The following WDHD1 variants were observed in gnomAD, a reference collection of about 807,000 sequenced individuals.
The protein encoded by WDHD1 is WD repeat and HMG-box DNA binding protein 1, also known as WD repeat and HMG-box DNA-binding protein 1.
WDHD1 carries 111 observed loss-of-function variants against 135.4 expected under a neutral mutation model. The observed-to-expected ratio is 0.82, with a 90% CI of 0.70 to 0.96. WDHD1 has a LOEUF of 0.96. Among genes scored for constraint, WDHD1 ranks in the 40% least tolerant of loss-of-function variants. The probability of loss-of-function intolerance (pLI) is 0.00; values close to 1 mark genes in which losing one functional copy is unlikely to be tolerated. For missense variants in WDHD1, 1,351 were observed against 1,336.3 expected (o/e 1.01, Z -0.17); for synonymous variants, 434 against 439.0 (o/e 0.99, Z 0.14).
intron 21 of WDHD1, among the ~76,000 whole-genome samples, chr14:54,960,450 G>T (rs1056298283): frequency 6.6e-6 from 1 of 151,948 alleles, no homozygotes; most frequent in African/African-American, 2.4e-5. Context: ...TTACAGGTGT[G>T]AGCCACCACG....
At chr14:54,977,086 T>G (rs868637292) in intron 16 of WDHD1, among the ~76,000 whole-genome samples, 25 of 151,674 alleles carry the variant, frequency 1.6e-4, no homozygotes, top group Non-Finnish European at 3.4e-4. Context: ...AAAATAAGGT[T>G]GTTTTTTTTT....
chr14:55,011,290 G>A (rs1417685479), intron 3 of WDHD1, among the ~76,000 whole-genome samples: 1 of 152,094 alleles, frequency 6.6e-6, no homozygotes, highest in African/African-American at 2.4e-5. Flanking sequence ...AGCACTTTGG[G>A]AGGCCAAGGC....
chr14:54,942,265 A>AATAC lies in WDHD1; in HGVS notation c.3190-576_3190-575insGTAT, dbSNP rs199578669. 8.5e-3 allele frequency among the ~76,000 whole-genome samples: 1,292 copies of AATAC among 151,874 alleles called. 18 individuals carry two copies. Among genetic ancestry groups the AATAC allele is most frequent in the African/African-American group, 0.03 (1,239 of 41,400 alleles). On this transcript the variant is annotated intron_variant, in intron 25 of 25. Transcript: ENST00000360586. ...CTCCGTCTCAAAAAATAAATAAATA[A>AATAC]ATAAATAAATAAATAATAAAAATGA...
In WDHD1 at chr14:54,957,098, C is replaced by T. The variant is rs1282909207; in HGVS notation, c.2852G>A (p.Arg951Gln). The T allele has an allele frequency of 1.2e-6, 2 of 1,614,048 alleles. No homozygotes were observed. The highest frequency in any genetic ancestry group is 1.1e-5 in the South Asian group (1 of 91,066). The stretch of plus-strand genomic sequence containing the variant: ...GGGAGACTTTTCATTATTTGTAGTT[C>T]GACTAAGTGCAGTGGATTTCTTGGA... ...KSSKKSTALS[R>Q]TTNNEKSPII... Residue 951 changes from arginine (R) to glutamine (Q), a missense_variant, in exon 23 of 26, where the codon CGA becomes CAA. By Grantham distance (43) the Arg-to-Gln change is conservative. This residue lies in a region of WDHD1 where 1,330 missense variants were observed against 1,296.1 expected (regional missense o/e 1.03). Coordinates refer to ENST00000360586, the MANE Select transcript of WDHD1 (RefSeq NM_007086.4).
At chr14:54,945,330 C>T (rs1409880755) in intron 24 of WDHD1, among the ~76,000 whole-genome samples, 1 of 152,190 alleles carries the variant, frequency 6.6e-6, no homozygotes, top group Admixed American at 6.5e-5. Context: ...TTAACATTTA[C>T]TGATCACTTA....
At position 55,000,438 on chromosome 14, in the gene WDHD1, G is replaced by A; in HGVS notation, c.942+65C>T. 4 of 1,450,188 alleles carry A rather than the reference G, an allele frequency of 2.8e-6. No individual in the cohort carries two copies. In the South Asian group the frequency reaches 6.5e-5, roughly 24 times the overall value. The allele number at this position is 1,450,188 out of a possible 1,614,324, so 89.8% of individuals were successfully genotyped here. ...CCAAGAAAGTAAGGCAGTTTGTGGT[G>A]TCTTCCAAATCCATATGATCACAGA... On this transcript the variant is annotated intron_variant, in intron 10 of 25. Transcript: ENST00000360586.
At chr14:54,968,198 T>C (rs1389544909) in intron 16 of WDHD1, among the ~76,000 whole-genome samples, 1 of 151,916 alleles carries the variant, frequency 6.6e-6, no homozygotes. Flanking sequence ...AAAATAGAAA[T>C]CAATACTGAG....
Position 55,000,971 on chromosome 14 carries a change from A to G in WDHD1, c.715T>C (p.Ser239Pro). 6.3e-7 allele frequency: 1 copy of G among 1,583,946 alleles called. No individual in the cohort carries two copies. The highest frequency in any genetic ancestry group is 2.3e-5 in the East Asian group (1 of 43,268). ...ISQTLNIVTWSPCGQYLAAGS... is the reference protein window; with the variant it reads ...ISQTLNIVTWPPCGQYLAAGS... ...GCAGCTAAATATTGCCCACAGGGAG[A>G]CCAGGTTACTATATTGAGGGTCTGT... Residue 239 changes from serine to proline, a missense_variant, in exon 9 of 26, where the codon TCT (serine) becomes CCT (proline). Physicochemically the swap from Ser to Pro is moderately conservative, Grantham distance 74. This residue lies in a region of WDHD1 where 1,330 missense variants were observed against 1,296.1 expected (regional missense o/e 1.03). Transcript: ENST00000360586.
At chr14:54,997,013 A>T (rs751013750) in intron 10 of WDHD1, among the ~76,000 whole-genome samples, 11 of 146,912 alleles carry the variant, frequency 7.5e-5, no homozygotes, top group Non-Finnish European at 1.0e-4. Flanking sequence ...GATGGTCTTG[A>T]TCTCTTGACC....
chr14:54,951,642 T>C (rs1423325383), intron 24 of WDHD1, among the ~76,000 whole-genome samples: 1 of 152,186 alleles, frequency 6.6e-6, no homozygotes, highest in Non-Finnish European at 1.5e-5. Context: ...CCTCCCTAAC[T>C]CATTTTATGA....
rs200887287 is a variant in WDHD1 at position 54,963,104 on chromosome 14, C to T, written c.2379G>A (p.Val793=). Reference sequence around the variant, plus strand: ...GAGAAGCATATTTAATGGCTAAATTCACAGCATTTTGAGTCATTAGATCAG... The same window carrying T: ...GAGAAGCATATTTAATGGCTAAATTTACAGCATTTTGAGTCATTAGATCAG... ...ELADLMTQNA[V]NLAIKYASRS... is the part of the protein sequence containing the mutation. The change falls in exon 19 of 26, where the codon GTG becomes GTA. Residue 793 remains valine (V), a synonymous_variant. Coordinates refer to ENST00000360586, the MANE Select transcript of WDHD1 (RefSeq NM_007086.4). 100 of 1,552,692 alleles carry T rather than the reference C, an allele frequency of 6.4e-5. No individual in the cohort carries two copies. The highest frequency in any genetic ancestry group is 8.6e-5 in the African/African-American group (6 of 69,374).
intron 10 of WDHD1, among the ~76,000 whole-genome samples, chr14:54,996,682 A>G (rs937656156): frequency 6.6e-6 from 1 of 152,198 alleles, no homozygotes; most frequent in African/African-American, 2.4e-5. Flanking sequence ...CTCCTATAGG[A>G]TGCATAAAAA....
intron 3 of WDHD1, 112 bp from the exon 4 acceptor site, chr14:55,010,572 T>C (rs1211717598): frequency 1.4e-5 from 13 of 929,186 alleles, no homozygotes; most frequent in Middle Eastern, 3.6e-4. Flanking sequence ...ATCTAGTTCA[T>C]ATCAAGAGAA....
chr14:55,013,616 A>G lies in WDHD1; in HGVS notation c.78-20T>C. ...ATAAAACTGTGAAGAAAAGACACAA[A>G]TTAAAGTCATCGGGCATGGTGTCTC... On this transcript the variant is annotated intron_variant, in intron 2 of 25. Coordinates refer to ENST00000360586, the MANE Select transcript of WDHD1 (RefSeq NM_007086.4). 4 of 1,588,488 alleles carry G rather than the reference A, an allele frequency of 2.5e-6. No homozygotes were observed. The highest frequency in any genetic ancestry group is 3.5e-6 in the Non-Finnish European group (4 of 1,156,822).
intron 24 of WDHD1, among the ~76,000 whole-genome samples, chr14:54,947,364 C>A (rs2040945561): frequency 1.3e-5 from 2 of 152,022 alleles, no homozygotes; most frequent in African/African-American, 4.8e-5. Flanking sequence ...AAACCATGAG[C>A]CACTATGCCC....
At chr14:54,972,469 T>C (rs565710927) in intron 16 of WDHD1, among the ~76,000 whole-genome samples, 2 of 138,588 alleles carry the variant, frequency 1.4e-5, no homozygotes, top group Non-Finnish European at 3.0e-5. Context: ...TCCCAGCTAC[T>C]CGGGAGGGTA....
chr14:54,994,588 C>A (rs1190185268), intron 11 of WDHD1, among the ~76,000 whole-genome samples: 1 of 151,818 alleles, frequency 6.6e-6, no homozygotes, highest in Non-Finnish European at 1.5e-5. Flanking sequence ...TGGTGAAACC[C>A]CATCTCTACT....
At chr14:55,008,054 T>C (rs1401148402) in intron 6 of WDHD1, among the ~76,000 whole-genome samples, 1 of 152,220 alleles carries the variant, frequency 6.6e-6, no homozygotes, top group Non-Finnish European at 1.5e-5. Flanking sequence ...AATAACTGAA[T>C]TTATTCCCTT....
At chr14:55,015,688 G>C (rs1199662142) in intron 2 of WDHD1, among the ~76,000 whole-genome samples, 1 of 151,016 alleles carries the variant, frequency 6.6e-6, no homozygotes, top group Non-Finnish European at 1.5e-5. Flanking sequence ...TCACGTTTTT[G>C]TTCCAATGGA....
Sources: gnomAD v4.1 joint callset for allele counts (sites outside exome capture counted in the v4.1 genomes callset) on GRCh38, gnomAD v4.1.1 for gene constraint, gnomAD v4.1.1 regional missense constraint, MANE v1.5 for transcripts, NCBI Gene and HGNC (gene_info 2026-07-23, HGNC 2026-07-21) for gene names.